The following GNAL variants were observed in gnomAD, a reference collection of about 807,000 sequenced individuals.
GNAL encodes G protein subunit alpha L.
In GNAL, 18 loss-of-function variants were observed where a neutral mutation model predicts 55.1. The ratio of observed to expected loss-of-function variants is 0.33; its 90% CI spans 0.23 to 0.48. GNAL has a LOEUF of 0.48. GNAL is among the 20% of genes least tolerant of loss of function. The pLI, the probability that GNAL is intolerant of heterozygous loss-of-function variation, is 0.99. For missense variants in GNAL, 412 were observed against 614.1 expected, an observed-to-expected ratio of 0.67 and a Z score of 3.48; for synonymous variants, 253 against 237.0, an observed-to-expected ratio of 1.07 and a Z score of -0.62.
intron 4 of GNAL, among the ~76,000 whole-genome samples, chr18:11,763,078 T>C (rs1487966403): frequency 6.6e-6 from 1 of 152,274 alleles, no homozygotes; most frequent in African/African-American, 2.4e-5. Flanking sequence ...TTTTTTTCTT[T>C]GCAATATTAT....
chr18:11,710,564 G>A (rs1302694231), intron 1 of GNAL, among the ~76,000 whole-genome samples: 2 of 150,740 alleles, frequency 1.3e-5, no homozygotes, highest in Non-Finnish European at 3.0e-5. Context: ...ACTCTCCTTA[G>A]CATTTCTTGT....
At chr18:11,849,604 GACCTA>G (rs2035812026) in intron 5 of GNAL, among the ~76,000 whole-genome samples, 2 of 152,090 alleles carry the variant, frequency 1.3e-5, no homozygotes, top group African/African-American at 4.8e-5. Flanking sequence ...GAAAAACCAG[GACCTA>G]AAAGAAGGGA....
rs150363152 is a variant in GNAL at position 11,701,388 on chromosome 18, C to T, written c.376+11449C>T. Among the ~76,000 whole-genome samples the T allele has an allele frequency of 5.6e-3, 858 of 151,914 alleles. 11 individuals carry two copies. The highest frequency in any genetic ancestry group is 0.019 in the African/African-American group (804 of 41,416). ...GGTGGATTGCTTGAGGTCATGAGTT[C>T]GAGACCAGCCTGGCCAACATGGTGA... On this transcript the variant is annotated intron_variant, in intron 1 of 11. Transcript: ENST00000334049.
chr18:11,709,917 GTA>G (rs2031797895), intron 1 of GNAL, among the ~76,000 whole-genome samples: 1 of 152,146 alleles, frequency 6.6e-6, no homozygotes, highest in African/African-American at 2.4e-5. Context: ...TCACCATTAA[GTA>G]TAATATTAGC....
intron 1 of GNAL, among the ~76,000 whole-genome samples, chr18:11,717,604 G>T (rs2032003391): frequency 6.6e-6 from 1 of 152,220 alleles, no homozygotes; most frequent in Non-Finnish European, 1.5e-5. Context: ...GGAATATTAT[G>T]CAGCCATAAA....
intron 1 of GNAL, among the ~76,000 whole-genome samples, chr18:11,703,242 C>T (rs1229610209): frequency 6.6e-6 from 1 of 152,240 alleles, no homozygotes; most frequent in Non-Finnish European, 1.5e-5. Context: ...CCACGCAGAG[C>T]AAATGAAAAA....
rs113790408 is a variant in GNAL, at chr18:11,749,726, C to T, written c.377-3127C>T. ...TAGGGCTTGAGAAGGTGTGGCCTAA[C>T]CCCCAATGTGAGGGAGGCAGTGAGG... On this transcript the variant is annotated intron_variant, in intron 1 of 11. Coordinates refer to ENST00000334049, the MANE Select transcript of GNAL (RefSeq NM_182978.4). Among the ~76,000 whole-genome samples the T allele has an allele frequency of 5.5e-3, 842 of 152,206 alleles. 5 individuals carry two copies. Among genetic ancestry groups the T allele is most frequent in the African/African-American group, 0.019 (789 of 41,510 alleles).
chr18:11,854,566 G>A (rs1201058832), intron 5 of GNAL: 8 of 157,500 alleles, frequency 5.1e-5, no homozygotes, highest in African/African-American at 2.4e-5. Flanking sequence ...CAGATCACCT[G>A]AGGTCAGGAG....
In GNAL at chr18:11,712,510, G is replaced by A. The variant is rs1240908572; in HGVS notation, c.376+22571G>A. Among the ~76,000 whole-genome samples the A allele has an allele frequency of 7.2e-5, 11 of 152,148 alleles. No individual in the cohort carries two copies. The South Asian group carries it at 8.3e-4, about 11-fold the overall frequency. Reference sequence around the variant, plus strand: ...TCAGCAGGGCAATAAATTTTTCAGCGGGGCTGGGACTTTCTATTTTGCCAT... The same window carrying A: ...TCAGCAGGGCAATAAATTTTTCAGCAGGGCTGGGACTTTCTATTTTGCCAT... On this transcript the variant is annotated intron_variant, in intron 1 of 11. Transcript: ENST00000334049.
intron 4 of GNAL, among the ~76,000 whole-genome samples, chr18:11,755,171 C>A (rs1407715371): frequency 2.0e-5 from 3 of 152,258 alleles, no homozygotes; most frequent in African/African-American, 7.2e-5. Flanking sequence ...CCCCGCCCTG[C>A]CTGCAAGGGC....
intron 4 of GNAL, among the ~76,000 whole-genome samples, chr18:11,795,340 G>A (rs773522094): frequency 2.0e-5 from 3 of 148,012 alleles, no homozygotes; most frequent in South Asian, 2.1e-4. Flanking sequence ...GGTTGAGGAC[G>A]CAGTGAGCTC....
rs369518353 is a variant in GNAL, at chr18:11,843,044, T to C, written c.722+18029T>C. Among the ~76,000 whole-genome samples, 21 of 152,126 alleles carry C rather than the reference T, an allele frequency of 1.4e-4. No individual in the cohort carries two copies. In the East Asian group the frequency reaches 1.5e-3, roughly 11 times the overall value. ...GAGGATTTTTCACATTCTAAAGAGA[T>C]GTTAAGGCCAGGCACAGTGGCTCAT... On this transcript the variant is annotated intron_variant, in intron 5 of 11. Transcript: ENST00000334049.
intron 4 of GNAL, among the ~76,000 whole-genome samples, chr18:11,754,365 C>T (rs922072044): frequency 6.6e-6 from 1 of 151,020 alleles, no homozygotes; most frequent in Non-Finnish European, 1.5e-5. Context: ...TGCCATGAGC[C>T]GAGATCACGC....
At position 11,717,092 on chromosome 18, in the gene GNAL, C is replaced by T. The variant is rs144545646; in HGVS notation, c.376+27153C>T. Among the ~76,000 whole-genome samples, 424 of 152,358 alleles carry T rather than the reference C, an allele frequency of 2.8e-3. 3 individuals are homozygous for T. Among genetic ancestry groups the T allele is most frequent in the African/African-American group, 9.7e-3 (404 of 41,588 alleles). On this transcript the variant is annotated intron_variant, in intron 1 of 11. Transcript: ENST00000334049. ...GCTGCAGGTCCCCAGCCCTGCCACG[C>T]GGGAAGGCAGCTAAGGCCCAGGGAG...
chr18:11,850,087 C>T (rs2035823729), intron 5 of GNAL, among the ~76,000 whole-genome samples: 2 of 152,184 alleles, frequency 1.3e-5, no homozygotes, highest in African/African-American at 4.8e-5. Flanking sequence ...ACACTAAAAT[C>T]CAGGCAACAG....
In GNAL at chr18:11,707,715, T is replaced by G. The variant is rs538297475; in HGVS notation, c.376+17776T>G. Among the ~76,000 whole-genome samples, 3 of 152,352 alleles carry G rather than the reference T, an allele frequency of 2.0e-5. No homozygotes were observed. The South Asian group carries it at 6.2e-4, about 32-fold the overall frequency. On this transcript the variant is annotated intron_variant, in intron 1 of 11. Coordinates refer to ENST00000334049, the MANE Select transcript of GNAL (RefSeq NM_182978.4). ...TACTTATGAAAGTCCTAGGTGGCAT[T>G]TTCTTCCCACAGAAGGCTGTTCCAC...
intron 4 of GNAL, among the ~76,000 whole-genome samples, chr18:11,767,209 C>T (rs1412710113): frequency 1.3e-5 from 2 of 151,576 alleles, no homozygotes; most frequent in African/African-American, 2.4e-5. Flanking sequence ...CATGCTTCCT[C>T]TCTGTGCACC....
intron 10 of GNAL, among the ~76,000 whole-genome samples, chr18:11,876,027 CCT>C (rs2036524225): frequency 6.6e-6 from 1 of 152,194 alleles, no homozygotes; most frequent in Non-Finnish European, 1.5e-5. Context: ...GACCTCATCA[CCT>C]CTCAAAGGCT....
intron 4 of GNAL, among the ~76,000 whole-genome samples, chr18:11,788,669 C>T (rs564704808): frequency 3.7e-4 from 56 of 151,558 alleles, no homozygotes; most frequent in African/African-American, 1.2e-3. Context: ...GTCAGGAGTT[C>T]GAGACCAGCC....
Sources: allele counts gnomAD v4.1 joint callset (sites outside exome capture counted in the v4.1 genomes callset), GRCh38; gene constraint gnomAD v4.1.1; transcripts MANE v1.5; gene names NCBI Gene and HGNC (gene_info 2026-07-23, HGNC 2026-07-21).